The following PPFIBP2 variants were observed in gnomAD, a reference collection of about 807,000 sequenced individuals.
PPFIBP2 encodes PPFIB scaffold protein 2, also known as liprin-beta-2.
Under a neutral mutation model 118.3 loss-of-function variants are expected in PPFIBP2, and 118 were observed. That is an observed-to-expected ratio of 1.00 (90% confidence interval 0.86 to 1.16). The LOEUF (loss-of-function observed/expected upper bound fraction) is 1.16, where lower values mean the gene tolerates loss of function less well. PPFIBP2 is among the 50% of genes most tolerant of loss of function. PPFIBP2 has a pLI of 0.00. For missense variants in PPFIBP2, 1,195 were observed against 1,073.1 expected, an observed-to-expected ratio of 1.11 and a Z score of -1.59; for synonymous variants, 414 against 397.4, an observed-to-expected ratio of 1.04 and a Z score of -0.50.
Position 7,649,544 on chromosome 11 carries a change from T to C in PPFIBP2, c.2011T>C (p.Phe671Leu). 1.2e-6 allele frequency: 2 copies of C among 1,614,208 alleles called. No homozygotes were observed. Among genetic ancestry groups the C allele is most frequent in the Non-Finnish European group, 1.7e-6 (2 of 1,180,050 alleles). The change falls in exon 21 of 24, where the codon TTC (phenylalanine) becomes CTC (leucine). Residue 671 changes from phenylalanine (F) to leucine (L), a missense_variant. By Grantham distance (22) the Phe-to-Leu change is conservative. Transcript: ENST00000299492. ...LQYLTVNDLL[F>L]LKVTSQLHHL... ...TTTCCTCTTTCAGAACGATTTACTC[T>C]TCTTAAAAGTCACCAGCCAACTACA...
At chr11:7,529,678 T>A (rs1850518682) in intron 1 of PPFIBP2, among the ~76,000 whole-genome samples, 1 of 152,214 alleles carries the variant, frequency 6.6e-6, no homozygotes, top group South Asian at 2.1e-4. Context: ...AGCCTCCATG[T>A]TTGAGGCCTC....
chr11:7,666,472 T>G, the PPFIBP2 span: 1 of 1,612,708 alleles, frequency 6.2e-7, no homozygotes, highest in Admixed American at 1.7e-5. Flanking sequence ...CTGTCCAGGG[T>G]GTACCACAGG....
intron 11 of PPFIBP2, 128 bp from the exon 12 acceptor site, chr11:7,632,739 G>T (rs1850937973): frequency 1.5e-6 from 1 of 688,886 alleles, no homozygotes; most frequent in Non-Finnish European, 2.6e-6. Context: ...CTATAATGAT[G>T]TATCCACCAT....
rs752834821 is a variant in PPFIBP2, at chr11:7,653,619, C to G, written c.*401C>G. On this transcript the variant is annotated 3_prime_UTR_variant, in exon 24 of 24. Coordinates refer to ENST00000299492, the MANE Select transcript of PPFIBP2 (RefSeq NM_003621.5). The stretch of plus-strand genomic sequence containing the variant: ...GAGGGAAAAGCTCAAGTGCCTTAGG[C>G]CCGTGGACCACAGTCTTGGCTGAGA... 2 of 1,296,104 alleles carry G rather than the reference C, an allele frequency of 1.5e-6. No homozygotes were observed. Among genetic ancestry groups the G allele is most frequent in the South Asian group, 2.5e-5 (2 of 81,092 alleles). 80.3% of individuals were successfully genotyped at this position (1,296,104 alleles called of 1,614,324 possible).
At chr11:7,666,495 G>A in the PPFIBP2 span, 2 of 1,613,486 alleles carry the variant, frequency 1.2e-6, no homozygotes, top group East Asian at 4.5e-5. Flanking sequence ...GAACTGGTCT[G>A]GGTGAGTCCT....
intron 7 of PPFIBP2, among the ~76,000 whole-genome samples, chr11:7,622,825 G>A (rs1366870964): frequency 6.6e-6 from 1 of 152,150 alleles, no homozygotes; most frequent in Non-Finnish European, 1.5e-5. Context: ...CCCTGTCTTG[G>A]GGAAACCTTT....
chr11:7,626,319 T>C (rs975674965), intron 8 of PPFIBP2, among the ~76,000 whole-genome samples: 1 of 152,252 alleles, frequency 6.6e-6, no homozygotes, highest in Non-Finnish European at 1.5e-5. Context: ...TATAAGGCCC[T>C]GAGACTACAG....
intron 2 of PPFIBP2, among the ~76,000 whole-genome samples, chr11:7,560,569 A>G (rs963412657): frequency 1.3e-5 from 2 of 152,196 alleles, no homozygotes; most frequent in Non-Finnish European, 2.9e-5. Flanking sequence ...TTTTTCCCCT[A>G]CTTTTTGAAA....
downstream of PPFIBP2, among the ~76,000 whole-genome samples, chr11:7,654,437 G>A (rs74051938): frequency 0.079 from 12,075 of 152,306 alleles, 501 homozygotes; most frequent in African/African-American, 0.11. Context: ...ACCGCTGTCT[G>A]ATGGCCTGGG....
rs576922607 is a variant in PPFIBP2 at position 7,582,746 on chromosome 11, A to C, written c.280-10386A>C. On this transcript the variant is annotated intron_variant, in intron 3 of 23. Transcript: ENST00000299492. ...AAAAAAAAAAACCAGCCAAACTGAG[A>C]TGAGTCTCTTCACCCTCCCTCCCTT... Among the ~76,000 whole-genome samples, 9 of 150,802 alleles carry C rather than the reference A, an allele frequency of 6.0e-5. No individual in the cohort carries two copies. In the East Asian group the frequency reaches 1.6e-3, roughly 26 times the overall value.
chr11:7,549,458 A>T lies in PPFIBP2; in HGVS notation c.-18A>T, dbSNP rs1376983677. 1.7e-5 allele frequency: 26 copies of T among 1,555,768 alleles called. No homozygotes were observed. Among genetic ancestry groups the T allele is most frequent in the Middle Eastern group, 1.7e-4 (1 of 6,016 alleles). On this transcript the variant is annotated 5_prime_UTR_variant, in exon 2 of 24. Coordinates refer to ENST00000299492, the MANE Select transcript of PPFIBP2 (RefSeq NM_003621.5). ...TTTTCAGTAAGAAGAGGAGGAGGCC[A>T]GGCAGGCAAAAGGAGTCATGGCTTC...
Position 7,556,272 on chromosome 11 carries a change from A to G in PPFIBP2, c.64+6733A>G, listed in dbSNP as rs574928010. Among the ~76,000 whole-genome samples the G allele has an allele frequency of 2.1e-3, 314 of 152,162 alleles. 2 individuals carry two copies. Among genetic ancestry groups the G allele is most frequent in the Middle Eastern group, 0.014 (4 of 294 alleles). On this transcript the variant is annotated intron_variant, in intron 2 of 23. Coordinates refer to ENST00000299492, the MANE Select transcript of PPFIBP2 (RefSeq NM_003621.5). ...AGATTGAGACCATCCTGGCTAACAC[A>G]GTGAAACCCCGTCTCTACTAAAAGT...
intron 6 of PPFIBP2, chr11:7,617,249 G>T: frequency 1.0e-6 from 1 of 985,442 alleles, no homozygotes; most frequent in South Asian, 4.7e-5. Context: ...GTGTGGCCGA[G>T]CCCCAGCCCT....
intron 1 of PPFIBP2, among the ~76,000 whole-genome samples, chr11:7,537,037 CCTT>C (rs1322258945): frequency 6.6e-6 from 1 of 152,074 alleles, no homozygotes; most frequent in African/African-American, 2.4e-5. Flanking sequence ...TCCTTGAGCT[CCTT>C]GAGAAGGATC....
chr11:7,628,827 T>C (rs1850371431), intron 9 of PPFIBP2, among the ~76,000 whole-genome samples: 1 of 152,178 alleles, frequency 6.6e-6, no homozygotes, highest in African/African-American at 2.4e-5. Context: ...GCCTGGCTGG[T>C]ATAAACATCA....
chr11:7,578,230 T>G (rs1028943327), intron 3 of PPFIBP2, among the ~76,000 whole-genome samples: 1 of 152,182 alleles, frequency 6.6e-6, no homozygotes, highest in African/African-American at 2.4e-5. Context: ...GAACGGACGT[T>G]GGGGGCTGGA....
chr11:7,535,782 T>G (rs1483266905), intron 1 of PPFIBP2, among the ~76,000 whole-genome samples: 1 of 152,152 alleles, frequency 6.6e-6, no homozygotes, highest in Non-Finnish European at 1.5e-5. Flanking sequence ...TGGTTCTGAA[T>G]ACCTGAACAC....
the PPFIBP2 span, chr11:7,666,417 G>A: frequency 9.3e-6 from 13 of 1,400,800 alleles, no homozygotes; most frequent in Non-Finnish European, 1.1e-5. Flanking sequence ...GGTTGGTGCT[G>A]ACCCATGGTG....
intron 3 of PPFIBP2, among the ~76,000 whole-genome samples, chr11:7,567,813 T>C (rs1855175176): frequency 1.3e-5 from 2 of 152,234 alleles, no homozygotes; most frequent in Admixed American, 1.3e-4. Flanking sequence ...GCAGCTTTCT[T>C]ATCCCCTCGT....
Sources: allele counts gnomAD v4.1 joint callset (sites outside exome capture counted in the v4.1 genomes callset), GRCh38; gene constraint gnomAD v4.1.1; transcripts MANE v1.5; gene names NCBI Gene and HGNC (gene_info 2026-07-23, HGNC 2026-07-21).